Variants in DMD observed in about 807,000 individuals in gnomAD.
The protein encoded by DMD is dystrophin.
In DMD, 63 loss-of-function variants were observed where a neutral mutation model predicts 330.1. The observed-to-expected ratio is 0.19, with a 90% CI of 0.16 to 0.24. DMD has a LOEUF of 0.24. Ranked by LOEUF, DMD falls within the 10% of genes least tolerant of loss-of-function variation. DMD has a pLI of 1.00. For missense variants in DMD, 3,344 were observed against 2,684.1 expected (o/e 1.25, Z -5.43); for synonymous variants, 1,223 against 959.8 (o/e 1.27, Z -5.07).
At chrX:32,432,859 T>C (rs953956244) in intron 29 of DMD, among the ~76,000 whole-genome samples, 2 of 112,308 alleles carry the variant, frequency 1.8e-5, no homozygotes, top group Non-Finnish European at 3.8e-5. Flanking sequence ...TTCAAAGTCA[T>C]AATTACCAGG....
At chrX:32,964,972 G>C (rs1410597181) in intron 2 of DMD, among the ~76,000 whole-genome samples, 4 of 111,586 alleles carry the variant, frequency 3.6e-5, no homozygotes, top group African/African-American at 1.3e-4. Context: ...CTGCTAATTT[G>C]TCAGCACCAC....
At chrX:31,250,535 A>G (rs1189083446) in intron 63 of DMD, among the ~76,000 whole-genome samples, 1 of 112,339 alleles carries the variant, frequency 8.9e-6, no homozygotes, top group Non-Finnish European at 1.9e-5. Context: ...TTCAAAAATT[A>G]AGTGCTCTAG....
At chrX:31,597,488 A>T (rs1235611937) in intron 55 of DMD, among the ~76,000 whole-genome samples, 1 of 111,806 alleles carries the variant, frequency 8.9e-6, no homozygotes, top group African/African-American at 3.3e-5. Flanking sequence ...TTTAATCACC[A>T]ACTATAATCA....
intron 1 of DMD, among the ~76,000 whole-genome samples, chrX:33,323,433 C>T (rs111740242): frequency 2.8e-4 from 31 of 111,617 alleles, no homozygotes; most frequent in African/African-American, 9.7e-4. Context: ...TAGATATTAT[C>T]TAATTCAGTG....
chrX:33,206,444 T>C lies in DMD; in HGVS notation c.31+4838A>G, dbSNP rs1045677804. Among the ~76,000 whole-genome samples, 7 of 111,693 alleles carry C rather than the reference T, an allele frequency of 6.3e-5. No homozygotes were observed. In the Admixed American group the frequency reaches 6.7e-4, roughly 11 times the overall value. On this transcript the variant is annotated intron_variant, in intron 1 of 78. Coordinates refer to ENST00000357033, the MANE Select transcript of DMD (RefSeq NM_004006.3). ...AGGATCATTGTCCATTCTCCCCCAG[T>C]TCCCATTAGTGAGGAATGGGGTTCA...
intron 4 of DMD, among the ~76,000 whole-genome samples, chrX:32,843,614 C>A (rs1468661813): frequency 1.8e-5 from 2 of 112,146 alleles, no homozygotes; most frequent in Admixed American, 1.9e-4. Context: ...TATTATTAAT[C>A]TATCCCTGCT....
At chrX:32,286,260 C>G (rs1468966821) in intron 43 of DMD, among the ~76,000 whole-genome samples, 3 of 111,366 alleles carry the variant, frequency 2.7e-5, no homozygotes, top group South Asian at 3.8e-4. Flanking sequence ...ACGGTAGCCA[C>G]CAAGTCTGGA....
chrX:32,531,065 T>C (rs909912868), intron 17 of DMD, among the ~76,000 whole-genome samples: 5 of 111,738 alleles, frequency 4.5e-5, no homozygotes, highest in Non-Finnish European at 9.4e-5. Flanking sequence ...CTTATCTGCA[T>C]AACGAAAATA....
At chrX:31,959,478 T>A (rs1008082878) in intron 45 of DMD, among the ~76,000 whole-genome samples, 3 of 112,038 alleles carry the variant, frequency 2.7e-5, no homozygotes, top group Non-Finnish European at 5.6e-5. Context: ...AAACATTTTA[T>A]TTTTCTTAGA....
intron 43 of DMD, among the ~76,000 whole-genome samples, chrX:32,251,202 A>C (rs1261892706): frequency 9.0e-6 from 1 of 111,018 alleles, no homozygotes; most frequent in African/African-American, 3.3e-5. Context: ...TAATTAAAAA[A>C]AAAAGTTCCT....
chrX:31,648,048 C>T (rs1033982801), intron 54 of DMD, among the ~76,000 whole-genome samples: 1 of 111,707 alleles, frequency 9.0e-6, no homozygotes, highest in African/African-American at 3.2e-5. Context: ...AAGATAAACA[C>T]CTGTCCATTT....
intron 20 of DMD, among the ~76,000 whole-genome samples, chrX:32,487,055 G>A (rs1459817846): frequency 1.8e-5 from 2 of 110,815 alleles, no homozygotes; most frequent in Non-Finnish European, 1.9e-5. Context: ...CCATCAGAGT[G>A]AACAGGCAAC....
chrX:31,159,981 A>T (rs2038619003), intron 74 of DMD, among the ~76,000 whole-genome samples: 1 of 112,392 alleles, frequency 8.9e-6, no homozygotes, highest in Admixed American at 9.4e-5. Context: ...ATATCTTCCC[A>T]TGTGTTGATG....
At chrX:33,173,085 T>C (rs2049444103) in intron 1 of DMD, among the ~76,000 whole-genome samples, 1 of 111,771 alleles carries the variant, frequency 8.9e-6, no homozygotes, top group Non-Finnish European at 1.9e-5. Context: ...AACTTTATTT[T>C]AATACACTAT....
At chrX:32,304,816 T>C (rs191445166) in intron 42 of DMD, among the ~76,000 whole-genome samples, 51 of 111,609 alleles carry the variant, frequency 4.6e-4, no homozygotes, top group African/African-American at 1.6e-3. Flanking sequence ...TGTTTATGTA[T>C]AGTTCAAAAG....
intron 3 of DMD, among the ~76,000 whole-genome samples, chrX:32,847,722 G>A (rs2080805853): frequency 8.9e-6 from 1 of 111,795 alleles, no homozygotes; most frequent in Admixed American, 9.5e-5. Context: ...GTAAATGTTT[G>A]GTGATTTTTC....
At chrX:32,295,018 T>G (rs2097489697) in intron 42 of DMD, among the ~76,000 whole-genome samples, 1 of 111,593 alleles carries the variant, frequency 9.0e-6, no homozygotes, top group Admixed American at 9.5e-5. Context: ...GAATAGTTCC[T>G]TATCTTATCT....
At chrX:32,633,250 C>G in intron 11 of DMD, among the ~76,000 whole-genome samples, 1 of 111,750 alleles carries the variant, frequency 8.9e-6, no homozygotes, top group Middle Eastern at 4.6e-3. Context: ...GTCAGACACA[C>G]GAGATCATCA....
intron 2 of DMD, among the ~76,000 whole-genome samples, chrX:32,853,438 C>A (rs947813115): frequency 8.1e-4 from 90 of 111,277 alleles, no homozygotes; most frequent in Non-Finnish European, 1.5e-3. Flanking sequence ...AAACAAACAA[C>A]AAAAAGATTA....
Sources: allele counts gnomAD v4.1 joint callset (sites outside exome capture counted in the v4.1 genomes callset), GRCh38; gene constraint gnomAD v4.1.1; transcripts MANE v1.5; gene names NCBI Gene and HGNC (gene_info 2026-07-23, HGNC 2026-07-21).